Variants in ANKHD1 observed in about 807,000 individuals in gnomAD.
The protein encoded by ANKHD1 is ankyrin repeat and KH domain-containing protein 1.
Under a neutral mutation model 230.5 loss-of-function variants are expected in ANKHD1, and 31 were observed. The observed-to-expected ratio is 0.13, with a 90% CI of 0.10 to 0.18. The LOEUF is 0.18. ANKHD1 is among the 10% of genes least tolerant of loss of function. ANKHD1 has a pLI of 1.00. For missense variants in ANKHD1, 2,256 were observed against 3,071.3 expected (o/e 0.73, Z 6.27); for synonymous variants, 1,074 against 1,117.6 (o/e 0.96, Z 0.78).
At chr5:140,483,483 G>T (rs555228820) in intron 11 of ANKHD1, among the ~76,000 whole-genome samples, 38 of 134,554 alleles carry the variant, frequency 2.8e-4, no homozygotes, top group Admixed American at 2.7e-3. Context: ...TTGAGAAGGA[G>T]TTTCACTCTT....
At chr5:140,539,298 C>CATTTTGTA in intron 33 of ANKHD1, 61 bp from the exon 34 acceptor site, 4 of 1,607,042 alleles carry the variant, frequency 2.5e-6, no homozygotes, top group Non-Finnish European at 2.5e-6. Flanking sequence ...TTTATATATT[C>CATTTTGTA]ATTTTGTAAC....
At chr5:140,456,480 C>G (rs1488345815) in intron 7 of ANKHD1, among the ~76,000 whole-genome samples, 3 of 152,292 alleles carry the variant, frequency 2.0e-5, no homozygotes, top group Admixed American at 6.5e-5. Flanking sequence ...GCTACAGTAA[C>G]CAAAACAGCA....
intron 24 of ANKHD1, among the ~76,000 whole-genome samples, chr5:140,515,679 G>A (rs920010460): frequency 1.3e-5 from 2 of 152,220 alleles, no homozygotes; most frequent in African/African-American, 4.8e-5. Flanking sequence ...CCCCCCAGCA[G>A]GGTCAGACTG....
At chr5:140,503,330 A>G (rs1325479083) in intron 15 of ANKHD1, among the ~76,000 whole-genome samples, 2 of 151,988 alleles carry the variant, frequency 1.3e-5, no homozygotes, top group Non-Finnish European at 2.9e-5. Context: ...AATGAATAAT[A>G]GTATTGACAA....
At chr5:140,486,363 C>T (rs1030616513) in intron 13 of ANKHD1, among the ~76,000 whole-genome samples, 16 of 152,002 alleles carry the variant, frequency 1.1e-4, no homozygotes, top group Admixed American at 5.9e-4. Flanking sequence ...CATGCCCGGC[C>T]GAGAAAGCAT....
In ANKHD1 at chr5:140,440,100, T is replaced by C. The variant is rs202071820; in HGVS notation, c.618-19T>C. ...GAGTCTTTTTGTTTCGGTTAATTGT[T>C]GAATGGTTTTGTTTCCAGTCGCAGT... On this transcript the variant is annotated intron_variant, in intron 3 of 33. Coordinates refer to ENST00000360839, the MANE Select transcript of ANKHD1 (RefSeq NM_017747.3). The C allele has an allele frequency of 8.9e-6, 14 of 1,574,712 alleles. No homozygotes were observed. Among genetic ancestry groups the C allele is most frequent in the Non-Finnish European group, 1.2e-5 (14 of 1,161,132 alleles).
chr5:140,487,536 G>A (rs1347708936), intron 14 of ANKHD1, among the ~76,000 whole-genome samples: 1 of 152,180 alleles, frequency 6.6e-6, no homozygotes, highest in Admixed American at 6.5e-5. Flanking sequence ...CTGTCACTAT[G>A]TGAACCTGGA....
intron 20 of ANKHD1, among the ~76,000 whole-genome samples, chr5:140,508,548 G>A (rs550433235): frequency 3.9e-4 from 59 of 152,214 alleles, no homozygotes; most frequent in African/African-American, 1.4e-3. Flanking sequence ...GAGGTCAGGA[G>A]TTTGAGACCA....
rs147576845 is a variant in ANKHD1, at chr5:140,486,344, C to T, written c.2142+612C>T. 2.6e-5 allele frequency among the ~76,000 whole-genome samples: 4 copies of T among 152,240 alleles called. No homozygotes were observed. The East Asian group carries it at 5.8e-4, about 22-fold the overall frequency. ...CCTCCCAAAGTGCTGGAATTACAGG[C>T]GTGAGCCACATGCCCGGCCGAGAAA... On this transcript the variant is annotated intron_variant, in intron 13 of 33. Coordinates refer to ENST00000360839, the MANE Select transcript of ANKHD1 (RefSeq NM_017747.3).
At chr5:140,512,094 G>C (rs2127062254) in intron 22 of ANKHD1, among the ~76,000 whole-genome samples, 1 of 152,200 alleles carries the variant, frequency 6.6e-6, no homozygotes, top group Non-Finnish European at 1.5e-5. Context: ...AAATTAGCCA[G>C]GCGTGATGGT....
chr5:140,447,994 TA>T (rs1439043319), intron 6 of ANKHD1, among the ~76,000 whole-genome samples: 4 of 152,104 alleles, frequency 2.6e-5, no homozygotes, highest in Non-Finnish European at 4.4e-5. Flanking sequence ...AAAAAGGAAT[TA>T]AAGAATGCTG....
At chr5:140,467,766 C>G (rs1015961148) in intron 10 of ANKHD1, among the ~76,000 whole-genome samples, 6 of 152,076 alleles carry the variant, frequency 3.9e-5, no homozygotes, top group African/African-American at 1.2e-4. Context: ...AGAAAAAGTT[C>G]TAGTCAAAAA....
In ANKHD1 at chr5:140,458,818, C is replaced by G. The variant is rs1338319288; in HGVS notation, c.1436C>G (p.Ala479Gly). The G allele has an allele frequency of 1.2e-6, 2 of 1,612,498 alleles. No individual in the cohort carries two copies. The highest frequency in any genetic ancestry group is 2.7e-5 in the African/African-American group (2 of 74,586). ...DEGYTPLMEA[A>G]REGHEEMVAL... ...GGATACACTCCCTTGATGGAAGCTG[C>G]CCGGGAAGGACATGAAGAAATGGTG... Residue 479 changes from alanine (A) to glycine (G), a missense_variant, in exon 8 of 34, where the codon GCC (alanine) becomes GGC (glycine). Coordinates refer to ENST00000360839, the MANE Select transcript of ANKHD1 (RefSeq NM_017747.3).
At chr5:140,512,489 A>T (rs1339533994) in intron 22 of ANKHD1, among the ~76,000 whole-genome samples, 2 of 152,152 alleles carry the variant, frequency 1.3e-5, no homozygotes, top group Non-Finnish European at 1.5e-5. Flanking sequence ...TAATAGATTT[A>T]TTCTAGGAGA....
At chr5:140,490,804 TGAAATTCTA>T (rs1157326111) in intron 14 of ANKHD1, among the ~76,000 whole-genome samples, 1 of 152,054 alleles carries the variant, frequency 6.6e-6, no homozygotes, top group Non-Finnish European at 1.5e-5. Flanking sequence ...TCCTTTTCTC[TGAAATTCTA>T]GAGTACTTCA....
intron 10 of ANKHD1, among the ~76,000 whole-genome samples, chr5:140,473,393 T>A (rs1181324269): frequency 6.6e-6 from 1 of 152,146 alleles, no homozygotes; most frequent in Admixed American, 6.5e-5. Flanking sequence ...CATTGGCTTG[T>A]TAAATGAGAA....
At chr5:140,521,211 CA>C (rs1451968942) in intron 24 of ANKHD1, among the ~76,000 whole-genome samples, 1 of 151,928 alleles carries the variant, frequency 6.6e-6, no homozygotes, top group South Asian at 2.1e-4. Flanking sequence ...ATTTTGACAG[CA>C]AATTTTGGTT....
At chr5:140,469,024 C>G (rs1055475458) in intron 10 of ANKHD1, among the ~76,000 whole-genome samples, 1 of 152,130 alleles carries the variant, frequency 6.6e-6, no homozygotes, top group East Asian at 1.9e-4. Flanking sequence ...CAGTGTACAT[C>G]TCTGTTAACA....
In ANKHD1 at chr5:140,402,193, G is replaced by C; in HGVS notation, c.226G>C (p.Asp76His). ...SGTGGGDAAL[D>H]FKLAAAVLRT... is the part of the protein sequence containing the mutation. ...TACGGGCGGAGGGGACGCGGCGCTG[G>C]ATTTCAAGTTGGCGGCTGCCGTGCT... Residue 76 changes from aspartate to histidine, a missense_variant, in exon 1 of 34, where the codon GAT becomes CAT. This residue lies in a region of ANKHD1 where 193 missense variants were observed against 185.8 expected (regional missense o/e 1.04). Transcript: ENST00000360839. 6.5e-7 allele frequency: 1 copy of C among 1,526,920 alleles called. No individual in the cohort carries two copies. Among genetic ancestry groups the C allele is most frequent in the Non-Finnish European group, 8.8e-7 (1 of 1,141,778 alleles). The allele number at this position is 1,526,920 out of a possible 1,614,324, so 94.6% of individuals were successfully genotyped here.
Sources: gnomAD v4.1 joint callset for allele counts (sites outside exome capture counted in the v4.1 genomes callset) on GRCh38, gnomAD v4.1.1 for gene constraint, gnomAD v4.1.1 regional missense constraint, MANE v1.5 for transcripts, NCBI Gene and HGNC (gene_info 2026-07-23, HGNC 2026-07-21) for gene names.